Variants in MED29 observed in about 807,000 individuals in gnomAD.
MED29 encodes the protein mediator of RNA polymerase II transcription subunit 29.
Under a neutral mutation model 22.0 loss-of-function variants are expected in MED29, and 14 were observed. The observed-to-expected ratio is 0.64, with a 90% CI of 0.42 to 0.99. The LOEUF is 0.99. MED29 is among the 50% of genes least tolerant of loss of function. The pLI is 0.00. For missense variants in MED29, 241 were observed against 253.7 expected (o/e 0.95, Z 0.34); for synonymous variants, 123 against 107.8 (o/e 1.14, Z -0.87).
At chr19:39,393,076 CTTTTCTTTTTTTTTTT>C (rs1568378171) in intron 2 of MED29, among the ~76,000 whole-genome samples, 1 of 55,298 alleles carries the variant, frequency 1.8e-5, no homozygotes, top group Non-Finnish European at 3.4e-5. Context: ...TTCTTTCTTT[CTTTTCTTTTTTTTTTT>C]TTTTTTTTTT....
chr19:39,392,591 C>A, intron 2 of MED29, 69 bp downstream of exon 2: 1 of 1,391,492 alleles, frequency 7.2e-7, no homozygotes, highest in Non-Finnish European at 1.0e-6. Context: ...CTTTCCTTCT[C>A]CTGCTCCCCG....
rs761908500 is a variant in MED29 at position 39,397,762 on chromosome 19, C to T, written c.*63C>T. On this transcript the variant is annotated 3_prime_UTR_variant, in exon 4 of 4. Transcript: ENST00000315588. ...GGTGGTGTGCAAAGGGAATGAAGAGCGTCCTGGGCCTAAACACAGCAGCCT... is the reference window on the plus strand; with the variant it reads ...GGTGGTGTGCAAAGGGAATGAAGAGTGTCCTGGGCCTAAACACAGCAGCCT... The T allele has an allele frequency of 6.4e-6, 10 of 1,565,410 alleles. No individual in the cohort carries two copies. The highest frequency in any genetic ancestry group is 1.8e-5 in the Admixed American group (1 of 56,528).
At position 39,393,575 on chromosome 19, in the gene MED29, C is replaced by T; in HGVS notation, c.298C>T (p.Gln100Ter). The stretch of plus-strand genomic sequence containing the variant: ...TAGAAAGAGCAGTGATGGACCCATA[C>T]AGCGCTTTGACAAGTGCCTGGAAGA... Reference protein sequence around the residue: ...NGQKSSDGPIQRFDKCLEEFY... With the variant: ...NGQKSSDGPI Residue 100 changes from glutamine (Q) to a stop codon, truncating the protein, a stop_gained, in exon 3 of 4, where the codon CAG (glutamine) becomes TAG (stop). Coordinates refer to ENST00000315588, the MANE Select transcript of MED29 (RefSeq NM_017592.4). LOFTEE classifies it high-confidence loss of function. 6.2e-7 allele frequency: 1 copy of T among 1,614,144 alleles called. No individual in the cohort carries two copies. Among genetic ancestry groups the T allele is most frequent in the Non-Finnish European group, 8.5e-7 (1 of 1,179,968 alleles).
intron 2 of MED29, 144 bp from the exon 3 acceptor site, chr19:39,393,409 T>C (rs942168927): frequency 7.6e-5 from 58 of 759,768 alleles, no homozygotes; most frequent in South Asian, 3.0e-4. Context: ...TTTTCTTTTT[T>C]TTTGAACCCC....
intron 3 of MED29, among the ~76,000 whole-genome samples, chr19:39,396,447 C>T (rs1600626749): frequency 6.7e-6 from 1 of 149,060 alleles, no homozygotes; most frequent in South Asian, 2.1e-4. Context: ...AAAAAAGGGG[C>T]CGGGCACAAG....
chr19:39,399,971 G>T lies in MED29; in HGVS notation c.*2272G>T, dbSNP rs2078453202. ...GAGTTGCACTCAGCAAACACATTGGGTATCTTGTGCCCAAGGCCTGTATTT... is the reference window on the plus strand; with the variant it reads ...GAGTTGCACTCAGCAAACACATTGGTTATCTTGTGCCCAAGGCCTGTATTT... On this transcript the variant is annotated 3_prime_UTR_variant, in exon 4 of 4. Coordinates refer to ENST00000315588, the MANE Select transcript of MED29 (RefSeq NM_017592.4). 6.6e-6 allele frequency: 1 copy of T among 152,258 alleles called. No homozygotes were observed. Among genetic ancestry groups the T allele is most frequent in the South Asian group, 2.1e-4 (1 of 4,836 alleles). The allele number at this position is 152,258 out of a possible 1,614,324, so 9.4% of individuals were successfully genotyped here.
chr19:39,391,720 G>C, intron 1 of MED29, 82 bp downstream of exon 1: 2 of 1,464,712 alleles, frequency 1.4e-6, no homozygotes, highest in Non-Finnish European at 1.8e-6. Flanking sequence ...GTCGGAGAGA[G>C]CGCTAAGCAG....
In MED29 at chr19:39,393,576, A is replaced by G. The variant is rs774448886; in HGVS notation, c.299A>G (p.Gln100Arg). Residue 100 changes from glutamine to arginine, a missense_variant, in exon 3 of 4, where the codon CAG becomes CGG. Gln to Arg is a conservative substitution (Grantham distance 43). Coordinates refer to ENST00000315588, the MANE Select transcript of MED29 (RefSeq NM_017592.4). ...NGQKSSDGPI[Q>R]RFDKCLEEFY... ...AGAAAGAGCAGTGATGGACCCATAC[A>G]GCGCTTTGACAAGTGCCTGGAAGAG... The G allele has an allele frequency of 3.0e-5, 49 of 1,614,156 alleles. No homozygotes were observed. The South Asian group carries it at 5.2e-4, about 17-fold the overall frequency.
chr19:39,393,095 T>C (rs1430963079), intron 2 of MED29, among the ~76,000 whole-genome samples: 3 of 102,184 alleles, frequency 2.9e-5, no homozygotes, highest in Non-Finnish European at 4.1e-5. Flanking sequence ...TTTTTTTTTT[T>C]TTTTTTTTTT....
At position 39,391,578 on chromosome 19, in the gene MED29, G is replaced by A; in HGVS notation, c.156G>A (p.Gln52=). 6.2e-7 allele frequency: 1 copy of A among 1,613,346 alleles called. No individual in the cohort carries two copies. Among genetic ancestry groups the A allele is most frequent in the Non-Finnish European group, 8.5e-7 (1 of 1,179,754 alleles). Residue 52 remains glutamine (Q), a synonymous_variant, in exon 1 of 4, where the codon CAG becomes CAA. Coordinates refer to ENST00000315588, the MANE Select transcript of MED29 (RefSeq NM_017592.4). ...GCGGCCTCCTGCAGCAACAGCAACA[G>A]GACTTCGATCCTGTGCAGCGTTATA... is the stretch of plus-strand genomic sequence containing the variant. The part of the protein sequence containing the change: ...AQSGLLQQQQ[Q]DFDPVQRYKM...
At position 39,397,803 on chromosome 19, in the gene MED29, G is replaced by T; in HGVS notation, c.*104G>T. The T allele has an allele frequency of 2.7e-6, 4 of 1,486,112 alleles. No individual in the cohort carries two copies. The South Asian group carries it at 5.3e-5, about 20-fold the overall frequency. The allele number at this position is 1,486,112 out of a possible 1,614,324, so 92.1% of individuals were successfully genotyped here. ...ACAGCAGCCTCCTCTCTTCCTGCCT[G>T]AGCACCGCAGCGGGAGCCAGCAGGG... On this transcript the variant is annotated 3_prime_UTR_variant, in exon 4 of 4. Transcript: ENST00000315588.
chr19:39,397,605 G>C lies in MED29; in HGVS notation c.509G>C (p.Cys170Ser). 1.2e-6 allele frequency: 2 copies of C among 1,613,808 alleles called. No homozygotes were observed. The highest frequency in any genetic ancestry group is 1.7e-6 in the Non-Finnish European group (2 of 1,180,028). ...GCGGTCATCAAAGCCCAGATTTCCT[G>C]TGCCAAGGACATTCACACCGCCCTG... ...YLAVIKAQIS[C>S]AKDIHTALLD... Residue 170 changes from cysteine to serine, a missense_variant, in exon 4 of 4, where the codon TGT (cysteine) becomes TCT (serine). Cys to Ser is a moderately radical substitution (Grantham distance 112). Transcript: ENST00000315588.
At position 39,397,745 on chromosome 19, in the gene MED29, G is replaced by C; in HGVS notation, c.*46G>C. ...GCAGGCAGTGGTTGGTGGGTGGTGT[G>C]CAAAGGGAATGAAGAGCGTCCTGGG... On this transcript the variant is annotated 3_prime_UTR_variant, in exon 4 of 4. Transcript: ENST00000315588. The C allele has an allele frequency of 1.3e-6, 2 of 1,588,598 alleles. No individual in the cohort carries two copies. Among genetic ancestry groups the C allele is most frequent in the Non-Finnish European group, 1.7e-6 (2 of 1,171,416 alleles).
At position 39,394,556 on chromosome 19, in the gene MED29, CTTTTTTTTTTTT is replaced by C. The variant is rs775465635; in HGVS notation, c.360+934_360+945del. Among the ~76,000 whole-genome samples, 163 of 69,258 alleles carry C rather than the reference CTTTTTTTTTTTT, an allele frequency of 2.4e-3. 1 individual carries two copies. The highest frequency in any genetic ancestry group is 0.011 in the Admixed American group (49 of 4,640). The allele number at this position is 69,258 out of a possible 152,430, so 45.4% of individuals were successfully genotyped here. On this transcript the variant is annotated intron_variant, in intron 3 of 3. Coordinates refer to ENST00000315588, the MANE Select transcript of MED29 (RefSeq NM_017592.4). ...ACAAGCATGAGCCACTGCACCCGGC[CTTTTTTTTTTTT>C]TTTTTTTTTTTTTTGAGACAGAGTC...
Position 39,393,081 on chromosome 19 carries a change from C to CTTTTTTTTTTTTTTTTTTTTTTTTTTT in MED29, c.276-466_276-440dup, listed in dbSNP as rs142198224. 1.1e-3 allele frequency among the ~76,000 whole-genome samples: 38 copies of CTTTTTTTTTTTTTTTTTTTTTTTTTTT among 34,710 alleles called. 1 individual carries two copies. The highest frequency in any genetic ancestry group is 1.8e-3 in the Non-Finnish European group (33 of 18,160). The allele number at this position is 34,710 out of a possible 152,430, so 22.8% of individuals were successfully genotyped here. The stretch of plus-strand genomic sequence containing the variant: ...TTTTCTTTCTTTCTTTCTTTCTTTT[C>CTTTTTTTTTTTTTTTTTTTTTTTTTTT]TTTTTTTTTTTTTTTTTTTTTTTTT... On this transcript the variant is annotated intron_variant, in intron 2 of 3. Coordinates refer to ENST00000315588, the MANE Select transcript of MED29 (RefSeq NM_017592.4).
chr19:39,392,129 G>C (rs760024479), intron 1 of MED29, among the ~76,000 whole-genome samples: 1 of 152,224 alleles, frequency 6.6e-6, no homozygotes, highest in Non-Finnish European at 1.5e-5. Context: ...ACTGGCCGGA[G>C]CTTGAGTGAG....
intron 2 of MED29, 161 bp downstream of exon 2, chr19:39,392,683 G>A: frequency 1.6e-6 from 1 of 610,242 alleles, no homozygotes; most frequent in Admixed American, 3.3e-5. Flanking sequence ...CTGGACTACA[G>A]TGGCACGATC....
At chr19:39,393,760 C>T (rs1386175888) in intron 3 of MED29, 123 bp downstream of exon 3, 1 of 805,404 alleles carries the variant, frequency 1.2e-6, no homozygotes, top group Non-Finnish European at 2.2e-6. Context: ...CCTGTGCTTC[C>T]ACCAACACTG....
chr19:39,396,689 G>T (rs1270196675), intron 3 of MED29, among the ~76,000 whole-genome samples: 1 of 151,486 alleles, frequency 6.6e-6, no homozygotes. Flanking sequence ...TCGTGCTACT[G>T]CACTCCAGCC....
Sources: gnomAD v4.1 joint callset for allele counts (sites outside exome capture counted in the v4.1 genomes callset) on GRCh38, gnomAD v4.1.1 for gene constraint, MANE v1.5 for transcripts, NCBI Gene and HGNC (gene_info 2026-07-23, HGNC 2026-07-21) for gene names.